Variants in DMD observed in about 807,000 individuals in gnomAD.
DMD encodes dystrophin.
Under a neutral mutation model 330.1 loss-of-function variants are expected in DMD, and 63 were observed. That is an observed-to-expected ratio of 0.19 (90% CI 0.16 to 0.24). The LOEUF (loss-of-function observed/expected upper bound fraction) is 0.24. DMD is among the 10% of genes least tolerant of loss of function. DMD has a pLI of 1.00. For synonymous variants in DMD, 1,223 were observed against 959.8 expected, an observed-to-expected ratio of 1.27 and a Z score of -5.07; for missense variants, 3,344 against 2,684.1, an observed-to-expected ratio of 1.25 and a Z score of -5.43.
intron 44 of DMD, among the ~76,000 whole-genome samples, chrX:32,018,790 G>A (rs1057304512): frequency 4.5e-5 from 5 of 111,435 alleles, no homozygotes; most frequent in African/African-American, 1.3e-4. Context: ...CTTCTCAACC[G>A]CACCTAGCAT....
At chrX:32,117,230 G>A in intron 44 of DMD, among the ~76,000 whole-genome samples, 1 of 110,565 alleles carries the variant, frequency 9.0e-6, no homozygotes, top group Middle Eastern at 4.6e-3. Context: ...ATGGAGAAAT[G>A]GTCCATGCCA....
chrX:32,551,189 A>G (rs1418325599), intron 16 of DMD, among the ~76,000 whole-genome samples: 4 of 111,170 alleles, frequency 3.6e-5, no homozygotes, highest in Non-Finnish European at 7.5e-5. Flanking sequence ...ACCAAAAAAG[A>G]AAACTTCAGG....
At chrX:33,276,406 C>A (rs866539490) in intron 1 of DMD, among the ~76,000 whole-genome samples, 15 of 110,711 alleles carry the variant, frequency 1.4e-4, no homozygotes, top group Admixed American at 2.9e-4. Context: ...TGGTGAGAAG[C>A]CCTAATTAGC....
At chrX:31,935,431 C>G (rs2094911126) in intron 45 of DMD, among the ~76,000 whole-genome samples, 1 of 111,550 alleles carries the variant, frequency 9.0e-6, no homozygotes. Flanking sequence ...TGGAACAGCA[C>G]CATTTCCCCT....
intron 1 of DMD, among the ~76,000 whole-genome samples, chrX:33,070,673 C>CTCTCTCTCTCTA (rs1192910156): frequency 2.0e-4 from 7 of 35,642 alleles, no homozygotes; most frequent in African/African-American, 5.2e-4. Context: ...CTCTCTCTCT[C>CTCTCTCTCTCTA]TATATATATA....
chrX:31,967,762 C>A (rs138189181), intron 45 of DMD, among the ~76,000 whole-genome samples: 1,205 of 111,486 alleles, frequency 0.011, 20 homozygotes, highest in African/African-American at 0.037. Context: ...GCTTTCTGTG[C>A]CTTCAATACA....
intron 67 of DMD, among the ~76,000 whole-genome samples, chrX:31,194,166 C>CGA (rs2042661958): frequency 1.8e-5 from 2 of 110,918 alleles, no homozygotes; most frequent in African/African-American, 6.6e-5. Context: ...GGTGACAGAG[C>CGA]GAGACTCTGT....
intron 1 of DMD, among the ~76,000 whole-genome samples, chrX:33,286,811 G>A (rs767813386): frequency 8.9e-6 from 1 of 112,290 alleles, no homozygotes; most frequent in South Asian, 3.7e-4. Flanking sequence ...TTGCATGCAG[G>A]TGTGGTTATT....
chrX:32,414,658 T>A (rs1603632968), intron 29 of DMD, among the ~76,000 whole-genome samples: 2 of 111,960 alleles, frequency 1.8e-5, no homozygotes, highest in South Asian at 7.4e-4. Flanking sequence ...CAGAAAACTT[T>A]AAATAGTCAA....
intron 44 of DMD, among the ~76,000 whole-genome samples, chrX:32,080,944 C>A (rs1402361403): frequency 8.9e-6 from 1 of 111,948 alleles, no homozygotes; most frequent in African/African-American, 3.3e-5. Context: ...TGGAGGTGCC[C>A]AATGATATTA....
chrX:31,497,410 A>G (rs1329322293), intron 56 of DMD, among the ~76,000 whole-genome samples: 1 of 111,576 alleles, frequency 9.0e-6, no homozygotes, highest in African/African-American at 3.3e-5. Context: ...GAGTTCTTCC[A>G]TCTGGCGTCT....
At chrX:33,020,027 A>G (rs192331339) in intron 2 of DMD, 112 bp downstream of exon 2, 1 of 553,331 alleles carries the variant, frequency 1.8e-6, no homozygotes, top group Non-Finnish European at 2.9e-6. Context: ...CAGCTAAAAT[A>G]AAATGACACT....
At chrX:31,979,462 T>C (rs2095460919) in intron 44 of DMD, among the ~76,000 whole-genome samples, 1 of 112,419 alleles carries the variant, frequency 8.9e-6, no homozygotes, top group South Asian at 3.6e-4. Flanking sequence ...TTTGTTCTTT[T>C]TACTAAATGG....
At chrX:32,704,300 G>C (rs185541676) in intron 7 of DMD, among the ~76,000 whole-genome samples, 17 of 89,669 alleles carry the variant, frequency 1.9e-4, no homozygotes, top group Admixed American at 7.8e-4. Flanking sequence ...ATCGCACAAA[G>C]TTTGCTTTCA....
intron 1 of DMD, among the ~76,000 whole-genome samples, chrX:33,052,360 G>A (rs962580441): frequency 1.8e-5 from 2 of 111,808 alleles, no homozygotes; most frequent in Non-Finnish European, 3.8e-5. Flanking sequence ...AAATATATAC[G>A]AGAATGACTT....
chrX:32,738,156 G>T (rs188914008), intron 7 of DMD, among the ~76,000 whole-genome samples: 12 of 111,747 alleles, frequency 1.1e-4, no homozygotes, highest in East Asian at 8.5e-4. Context: ...CCAGTGACTT[G>T]GTTAGAAGTT....
chrX:31,662,718 T>C (rs988051020), intron 53 of DMD, among the ~76,000 whole-genome samples: 1 of 111,711 alleles, frequency 9.0e-6, no homozygotes, highest in Non-Finnish European at 1.9e-5. Context: ...AAGGAAGTCA[T>C]TAACCTTGTA....
At chrX:31,263,644 ACTC>A (rs1055518070) in intron 62 of DMD, among the ~76,000 whole-genome samples, 4 of 111,441 alleles carry the variant, frequency 3.6e-5, no homozygotes, top group Admixed American at 9.5e-5. Context: ...AGATAAATGA[ACTC>A]CTCAAACAAT....
chrX:32,882,895 G>A (rs181851474), intron 2 of DMD, among the ~76,000 whole-genome samples: 16 of 112,376 alleles, frequency 1.4e-4, no homozygotes, highest in African/African-American at 4.2e-4. Flanking sequence ...AAGACATTGA[G>A]CTAAACTCAA....
Sources: gnomAD v4.1 joint callset for allele counts (sites outside exome capture counted in the v4.1 genomes callset) on GRCh38, gnomAD v4.1.1 for gene constraint, MANE v1.5 for transcripts, NCBI Gene and HGNC (gene_info 2026-07-23, HGNC 2026-07-21) for gene names.